The following THSD4 variants were observed in gnomAD, a reference collection of about 807,000 sequenced individuals.
THSD4 encodes thrombospondin type 1 domain containing 4.
In THSD4, 69 loss-of-function variants were observed where a neutral mutation model predicts 119.0. That is an observed-to-expected ratio of 0.58 (90% CI 0.48 to 0.71). THSD4 has a LOEUF of 0.71. Among genes scored for constraint, THSD4 ranks in the 30% least tolerant of loss-of-function variants. The pLI, the probability that THSD4 is intolerant of heterozygous loss-of-function variation, is 0.00. For synonymous variants in THSD4, 524 were observed against 540.4 expected (o/e 0.97, Z 0.42); for missense variants, 1,393 against 1,391.1 (o/e 1.00, Z -0.02).
chr15:71,577,709 A>ATTTATTTTATTTTAT (rs371853648), intron 7 of THSD4, among the ~76,000 whole-genome samples: 18,351 of 109,496 alleles, frequency 0.17, 2,609 homozygotes, highest in Admixed American at 0.23. Context: ...ACCTTTATTT[A>ATTTATTTTATTTTAT]TTTATTTTAT....
chr15:71,341,807 CTTCCT>C, intron 6 of THSD4: 3 of 748,098 alleles, frequency 4.0e-6, no homozygotes. Flanking sequence ...TTCTTCCTTC[CTTCCT>C]TTCCTTTCAT....
At chr15:71,548,010 C>A (rs2048865848) in intron 7 of THSD4, among the ~76,000 whole-genome samples, 3 of 151,750 alleles carry the variant, frequency 2.0e-5, no homozygotes, top group African/African-American at 7.3e-5. Context: ...AGGAGTGTAC[C>A]CAGATGTACC....
intron 7 of THSD4, among the ~76,000 whole-genome samples, chr15:71,588,024 T>C (rs1483627586): frequency 6.7e-6 from 1 of 148,906 alleles, no homozygotes; most frequent in Admixed American, 6.7e-5. Flanking sequence ...AATCTTGTCA[T>C]GGCCGGGCGC....
intron 6 of THSD4, among the ~76,000 whole-genome samples, chr15:71,273,929 C>G (rs920919204): frequency 6.6e-6 from 1 of 152,148 alleles, no homozygotes; most frequent in Non-Finnish European, 1.5e-5. Flanking sequence ...AACTGGGAAG[C>G]CCTGGGCTTC....
intron 8 of THSD4, among the ~76,000 whole-genome samples, chr15:71,678,250 A>G (rs1227411960): frequency 1.3e-5 from 2 of 152,254 alleles, no homozygotes; most frequent in Non-Finnish European, 2.9e-5. Flanking sequence ...CTAAGCCCCA[A>G]GAAGAGATAT....
At chr15:71,412,764 A>C (rs1200264094) in intron 7 of THSD4, among the ~76,000 whole-genome samples, 1 of 152,156 alleles carries the variant, frequency 6.6e-6, no homozygotes, top group Non-Finnish European at 1.5e-5. Flanking sequence ...TTGAATGAGG[A>C]GGTTTCAGAT....
chr15:71,447,205 C>T (rs2047197658), intron 7 of THSD4, among the ~76,000 whole-genome samples: 1 of 146,604 alleles, frequency 6.8e-6, no homozygotes, highest in Non-Finnish European at 1.5e-5. Context: ...ACTGCAATCT[C>T]CACCTCTTGG....
intron 8 of THSD4, among the ~76,000 whole-genome samples, chr15:71,709,245 A>G (rs2052458892): frequency 6.6e-6 from 1 of 152,198 alleles, no homozygotes; most frequent in Non-Finnish European, 1.5e-5. Flanking sequence ...GTAAGGGTGA[A>G]TTGCCTACAG....
rs143915926 is a variant in THSD4 at position 71,372,522 on chromosome 15, G to C, written c.1016-39165G>C. 4.5e-4 allele frequency among the ~76,000 whole-genome samples: 68 copies of C among 152,374 alleles called. 2 individuals carry two copies. The East Asian group carries it at 0.013, about 29-fold the overall frequency. ...AGTCAGTACCCTCAGCTGCAGGTCT[G>C]TTGGAGTTTGCTGGATGTCCACTGC... On this transcript the variant is annotated intron_variant, in intron 6 of 17. Transcript: ENST00000261862.
At chr15:71,683,384 G>A (rs1213350121) in intron 8 of THSD4, among the ~76,000 whole-genome samples, 3 of 152,050 alleles carry the variant, frequency 2.0e-5, no homozygotes, top group Admixed American at 1.3e-4. Flanking sequence ...ACTGTGTGCC[G>A]GGTGGAATTC....
intron 7 of THSD4, among the ~76,000 whole-genome samples, chr15:71,448,583 G>A (rs1224145642): frequency 6.6e-6 from 1 of 152,172 alleles, no homozygotes; most frequent in Non-Finnish European, 1.5e-5. Context: ...TGGATACATA[G>A]TAGGTATATT....
Position 71,345,879 on chromosome 15 carries a change from T to C in THSD4, c.1016-65808T>C, listed in dbSNP as rs908152290. ...GCCCTGTACGAAGAGTTCTTTTGTT[T>C]TCGGACTTACTTGAGAGTAAGTTGC... On this transcript the variant is annotated intron_variant, in intron 6 of 17. Transcript: ENST00000261862. 1.2e-4 allele frequency among the ~76,000 whole-genome samples: 18 copies of C among 152,260 alleles called. No homozygotes were observed. The East Asian group carries it at 3.5e-3, about 29-fold the overall frequency.
At position 71,737,942 on chromosome 15, in the gene THSD4, G is replaced by A. The variant is rs374987773; in HGVS notation, c.1841G>A (p.Arg614Gln). 33 of 1,613,964 alleles carry A rather than the reference G, an allele frequency of 2.0e-5. No homozygotes were observed. The highest frequency in any genetic ancestry group is 2.3e-5 in the Non-Finnish European group (27 of 1,179,938). The change falls in exon 11 of 18, where the codon CGG (arginine) becomes CAG (glutamine). Residue 614 changes from arginine (R) to glutamine (Q), a missense_variant. Transcript: ENST00000261862. Reference protein sequence around the residue: ...NLVPPAPQPPRRSRDHNWKQL... With the variant: ...NLVPPAPQPPQRSRDHNWKQL... ...GTGCCACCAGCACCGCAGCCCCCAC[G>A]GCGCAGCCGGGATCACAACTGGAAG...
chr15:71,244,814 G>T (rs1282896786), intron 5 of THSD4, among the ~76,000 whole-genome samples: 1 of 152,190 alleles, frequency 6.6e-6, no homozygotes, highest in Non-Finnish European at 1.5e-5. Context: ...AAAACGAAAT[G>T]AATTCATTTG....
At chr15:71,242,530 T>C (rs1316534295) in intron 4 of THSD4, 119 bp from the exon 5 acceptor site, 8 of 1,083,332 alleles carry the variant, frequency 7.4e-6, no homozygotes, top group Non-Finnish European at 1.1e-5. Context: ...AGTTCTACCA[T>C]AGACCCTTTC....
intron 1 of THSD4, among the ~76,000 whole-genome samples, chr15:71,120,401 A>T (rs992314288): frequency 2.9e-4 from 44 of 152,068 alleles, no homozygotes; most frequent in African/African-American, 1.1e-3. Context: ...GTCTTCTCCT[A>T]CCAGCCTTTC....
intron 6 of THSD4, among the ~76,000 whole-genome samples, chr15:71,376,868 A>G (rs75229762): frequency 0.023 from 3,554 of 152,322 alleles, 139 homozygotes; most frequent in African/African-American, 0.082. Flanking sequence ...GAGGGTCTCA[A>G]TCCCCCAGCT....
chr15:71,504,994 G>T (rs1017042932), intron 7 of THSD4, among the ~76,000 whole-genome samples: 5 of 152,264 alleles, frequency 3.3e-5, no homozygotes, highest in Middle Eastern at 3.4e-3. Context: ...GAGTTTTTCA[G>T]ATGTTTTTCT....
intron 7 of THSD4, among the ~76,000 whole-genome samples, chr15:71,597,821 C>T (rs2049933558): frequency 6.6e-6 from 1 of 152,142 alleles, no homozygotes; most frequent in Non-Finnish European, 1.5e-5. Flanking sequence ...TCCAAGATGC[C>T]AGGGCCCTGC....
Sources: gnomAD v4.1 joint callset for allele counts (sites outside exome capture counted in the v4.1 genomes callset) on GRCh38, gnomAD v4.1.1 for gene constraint, MANE v1.5 for transcripts, NCBI Gene and HGNC (gene_info 2026-07-23, HGNC 2026-07-21) for gene names.